The following NUDT3 variants were observed in gnomAD, a reference collection of about 807,000 sequenced individuals.
NUDT3 encodes the protein diphosphoinositol polyphosphate phosphohydrolase 1.
Under a neutral mutation model 23.6 loss-of-function variants are expected in NUDT3, and 9 were observed. The observed-to-expected ratio is 0.38, with a 90% confidence interval of 0.23 to 0.66. The LOEUF is 0.66. NUDT3 is among the 30% of genes least tolerant of loss of function. The pLI is 0.52. For synonymous variants in NUDT3, 86 were observed against 82.6 expected, an observed-to-expected ratio of 1.04 and a Z score of -0.22; for missense variants, 172 against 218.5, an observed-to-expected ratio of 0.79 and a Z score of 1.34.
intron 2 of NUDT3, among the ~76,000 whole-genome samples, chr6:34,308,226 G>A (rs1166742032): frequency 6.8e-6 from 1 of 147,202 alleles, no homozygotes; most frequent in Non-Finnish European, 1.5e-5. Context: ...GGGAGGCGGA[G>A]GTGGGAGGAT....
chr6:34,328,640 G>T (rs1211563083), intron 2 of NUDT3, among the ~76,000 whole-genome samples: 3 of 151,986 alleles, frequency 2.0e-5, no homozygotes, highest in African/African-American at 7.3e-5. Flanking sequence ...TCCCTCCTCT[G>T]CCTCCCAAGT....
At chr6:34,309,935 T>C (rs985216281) in intron 2 of NUDT3, among the ~76,000 whole-genome samples, 2 of 152,072 alleles carry the variant, frequency 1.3e-5, no homozygotes, top group Admixed American at 6.5e-5. Flanking sequence ...AGAAATTAAA[T>C]CAATAATTAA....
At chr6:34,366,842 T>C (rs923706262) in intron 1 of NUDT3, among the ~76,000 whole-genome samples, 2 of 152,114 alleles carry the variant, frequency 1.3e-5, no homozygotes, top group African/African-American at 4.8e-5. Context: ...AACTGTACAC[T>C]TTTAAATACC....
chr6:34,380,791 C>T (rs1034645776), intron 1 of NUDT3, among the ~76,000 whole-genome samples: 3 of 152,138 alleles, frequency 2.0e-5, no homozygotes, highest in Non-Finnish European at 2.9e-5. Flanking sequence ...ATCCACAATA[C>T]GTTAATACAA....
intron 2 of NUDT3, among the ~76,000 whole-genome samples, chr6:34,338,319 A>G (rs370665788): frequency 9.8e-5 from 15 of 152,310 alleles, no homozygotes; most frequent in East Asian, 3.9e-4. Context: ...AAAATCTTAA[A>G]TGAGCAGGTC....
At chr6:34,325,462 G>A (rs760287784) in intron 2 of NUDT3, among the ~76,000 whole-genome samples, 2 of 152,080 alleles carry the variant, frequency 1.3e-5, no homozygotes, top group Non-Finnish European at 2.9e-5. Context: ...CCTCCCACCT[G>A]GGCTTCTCAA....
intron 4 of NUDT3, among the ~76,000 whole-genome samples, chr6:34,292,010 GGGAGT>G (rs1188865498): frequency 1.6e-4 from 24 of 152,262 alleles, no homozygotes; most frequent in African/African-American, 5.5e-4. Context: ...TCTCAGAAGT[GGGAGT>G]ACAAGGTGAA....
At chr6:34,320,152 T>A (rs1443342444) in intron 2 of NUDT3, among the ~76,000 whole-genome samples, 3 of 152,136 alleles carry the variant, frequency 2.0e-5, no homozygotes, top group East Asian at 3.8e-4. Context: ...AGGCGAAAAC[T>A]CACACAAAAG....
intron 2 of NUDT3, among the ~76,000 whole-genome samples, chr6:34,306,517 G>C (rs1763680388): frequency 6.6e-6 from 1 of 152,192 alleles, no homozygotes; most frequent in Non-Finnish European, 1.5e-5. Context: ...ATTTCCTAAT[G>C]ACTAAAAATC....
chr6:34,356,220 A>G (rs1764559172), intron 1 of NUDT3, among the ~76,000 whole-genome samples: 1 of 152,214 alleles, frequency 6.6e-6, no homozygotes, highest in Non-Finnish European at 1.5e-5. Flanking sequence ...TAGTATGCCT[A>G]TATCAAAATA....
chr6:34,362,809 G>A (rs1764670540), intron 1 of NUDT3, among the ~76,000 whole-genome samples: 1 of 152,064 alleles, frequency 6.6e-6, no homozygotes. Context: ...ATAACCCTAG[G>A]AATCAGATGG....
In NUDT3 at chr6:34,369,640, CAG is replaced by C. The variant is rs1764796558; in HGVS notation, c.99+22622_99+22623del. Among the ~76,000 whole-genome samples the C allele has an allele frequency of 5.9e-5, 9 of 152,308 alleles. No individual in the cohort carries two copies. The East Asian group carries it at 1.7e-3, about 29-fold the overall frequency. On this transcript the variant is annotated intron_variant, in intron 1 of 4. Transcript: ENST00000607016. The stretch of plus-strand genomic sequence containing the variant: ...TGACTTAAGAGGGCAACATCAAAGA[CAG>C]GGAAGCCTTTGGTCTAAGAAAAATC...
chr6:34,289,503 G>A (rs1399793436), intron 4 of NUDT3, among the ~76,000 whole-genome samples: 1 of 152,174 alleles, frequency 6.6e-6, no homozygotes, highest in East Asian at 1.9e-4. Flanking sequence ...GAAGGTCGCG[G>A]CTGCAGTGAG....
intron 4 of NUDT3, among the ~76,000 whole-genome samples, chr6:34,289,657 G>A (rs961260538): frequency 6.6e-6 from 1 of 152,174 alleles, no homozygotes; most frequent in Non-Finnish European, 1.5e-5. Flanking sequence ...TTTCTTATAA[G>A]AGTGAATTTA....
rs77912569 is a variant in NUDT3, at chr6:34,383,473, G to A, written c.99+8791C>T. Among the ~76,000 whole-genome samples the A allele has an allele frequency of 4.5e-3, 684 of 152,168 alleles. 3 individuals carry two copies. Among genetic ancestry groups the A allele is most frequent in the African/African-American group, 0.014 (580 of 41,526 alleles). On this transcript the variant is annotated intron_variant, in intron 1 of 4. Coordinates refer to ENST00000607016, the MANE Select transcript of NUDT3 (RefSeq NM_006703.4). ...TGCAAACACAGCTCACCACATCCTAGACATCCCCAGCTCAAGCGATCCTCC... is the reference window on the plus strand; with the variant it reads ...TGCAAACACAGCTCACCACATCCTAAACATCCCCAGCTCAAGCGATCCTCC...
chr6:34,327,327 G>C (rs186923782), intron 2 of NUDT3, among the ~76,000 whole-genome samples: 72 of 151,974 alleles, frequency 4.7e-4, no homozygotes, highest in African/African-American at 1.7e-3. Context: ...TCAAGAGATC[G>C]AGACCATCCT....
At chr6:34,347,110 A>G (rs1335182571) in intron 1 of NUDT3, among the ~76,000 whole-genome samples, 2 of 152,110 alleles carry the variant, frequency 1.3e-5, no homozygotes, top group African/African-American at 2.4e-5. Context: ...ACTCCTTCCT[A>G]TCATATAAAG....
intron 1 of NUDT3, among the ~76,000 whole-genome samples, chr6:34,375,918 T>G (rs1764915105): frequency 6.6e-6 from 1 of 152,084 alleles, no homozygotes. Flanking sequence ...TCCGCTTTTA[T>G]GACAGTGCTT....
At chr6:34,373,679 T>C (rs1179069126) in intron 1 of NUDT3, among the ~76,000 whole-genome samples, 2 of 152,210 alleles carry the variant, frequency 1.3e-5, no homozygotes, top group South Asian at 2.1e-4. Flanking sequence ...CAAATTCAGC[T>C]TCTTCCCACA....
Sources: allele counts gnomAD v4.1 joint callset (sites outside exome capture counted in the v4.1 genomes callset), GRCh38; gene constraint gnomAD v4.1.1; transcripts MANE v1.5; gene names NCBI Gene and HGNC (gene_info 2026-07-23, HGNC 2026-07-21).